Variants in PDE4D observed in about 807,000 individuals in gnomAD.
PDE4D encodes the protein 3',5'-cyclic-AMP phosphodiesterase 4D.
A neutral mutation model predicts 87.4 loss-of-function variants in PDE4D; 24 were observed. The observed-to-expected ratio is 0.27, with a 90% CI of 0.20 to 0.39. The LOEUF (loss-of-function observed/expected upper bound fraction) is 0.39. Among genes scored for constraint, PDE4D ranks in the 10% least tolerant of loss-of-function variants. The probability of loss-of-function intolerance (pLI) is 1.00; values close to 1 mark genes in which losing one functional copy is unlikely to be tolerated. For synonymous variants in PDE4D, 384 were observed against 383.2 expected (o/e 1.00, Z -0.02); for missense variants, 714 against 1,041.0 (o/e 0.69, Z 4.32).
Position 59,336,173 on chromosome 5 carries a change from C to G in PDE4D, c.456-120205G>C, listed in dbSNP as rs544465802. 3.3e-5 allele frequency among the ~76,000 whole-genome samples: 5 copies of G among 152,290 alleles called. No homozygotes were observed. The South Asian group carries it at 8.3e-4, about 25-fold the overall frequency. On this transcript the variant is annotated intron_variant, in intron 1 of 14. Coordinates refer to ENST00000340635, the MANE Select transcript of PDE4D (RefSeq NM_001104631.2). ...TCTTGCTGCCTGGAATTGGTACCCA[C>G]AAGCTTCAAATAAACTATTCCATGA... is the stretch of plus-strand genomic sequence containing the variant.
intron 3 of PDE4D, among the ~76,000 whole-genome samples, chr5:59,965,001 TA>T (rs1759874260): frequency 6.6e-6 from 1 of 152,084 alleles, no homozygotes; most frequent in Admixed American, 6.6e-5. Context: ...ATTAAAGTTT[TA>T]AAAAAAGAAC....
chr5:60,284,832 A>C (rs867215225), intron 1 of PDE4D, among the ~76,000 whole-genome samples: 1 of 152,104 alleles, frequency 6.6e-6, no homozygotes, highest in Non-Finnish European at 1.5e-5. Flanking sequence ...AATCTTCAGA[A>C]ATAATACCTC....
chr5:58,974,672 CAGG>C lies in PDE4D; in HGVS notation c.2419_2421del (p.Pro807del), dbSNP rs767639916. 6 of 1,563,436 alleles carry C rather than the reference CAGG, an allele frequency of 3.8e-6. No individual in the cohort carries two copies. The African/African-American group carries it at 8.3e-5, about 22-fold the overall frequency. ...TGAAAGTTTTTGCACTGTTACGTGT[CAGG>C]AGAACGATCATCTATGACACAGGCT... On this transcript the variant is annotated inframe_deletion, in exon 15 of 15. Transcript: ENST00000340635.
chr5:59,172,888 C>T (rs1356574099), intron 5 of PDE4D: 1 of 151,706 alleles, frequency 6.6e-6, no homozygotes. Flanking sequence ...TACTGTTGAC[C>T]AAGCAGATAA....
intron 5 of PDE4D, chr5:59,179,508 A>T: frequency 3.1e-6 from 1 of 323,284 alleles, no homozygotes; most frequent in Non-Finnish European, 5.9e-6. Context: ...AAAGAGAAAC[A>T]TGAAGAAGAG....
chr5:58,979,824 A>G (rs1351727742), intron 11 of PDE4D, among the ~76,000 whole-genome samples: 2 of 152,048 alleles, frequency 1.3e-5, no homozygotes, highest in African/African-American at 4.8e-5. Flanking sequence ...TTTTGTCTTT[A>G]TCTCTACAAA....
intron 1 of PDE4D, among the ~76,000 whole-genome samples, chr5:60,265,809 C>T (rs1322826006): frequency 1.3e-5 from 2 of 152,196 alleles, no homozygotes; most frequent in Non-Finnish European, 2.9e-5. Context: ...CACCTCCTGC[C>T]AAGCTGAGCC....
At chr5:59,664,294 A>G (rs1323364600) in intron 1 of PDE4D, among the ~76,000 whole-genome samples, 2 of 152,184 alleles carry the variant, frequency 1.3e-5, no homozygotes, top group East Asian at 1.9e-4. Context: ...TCAAGTTGTC[A>G]TGTTGGTCTA....
At chr5:59,676,653 CAT>C (rs1232741812) in intron 1 of PDE4D, among the ~76,000 whole-genome samples, 2 of 152,032 alleles carry the variant, frequency 1.3e-5, no homozygotes, top group Admixed American at 6.6e-5. Context: ...CTTAGGTACA[CAT>C]ATATTTTTAG....
intron 1 of PDE4D, among the ~76,000 whole-genome samples, chr5:59,358,635 C>T (rs80262158): frequency 1.4e-3 from 207 of 152,126 alleles, no homozygotes; most frequent in African/African-American, 4.9e-3. Flanking sequence ...AGAATGTCTT[C>T]ATCTGAGACT....
chr5:60,078,431 T>C (rs1773559126), intron 2 of PDE4D, among the ~76,000 whole-genome samples: 1 of 151,886 alleles, frequency 6.6e-6, no homozygotes, highest in South Asian at 2.1e-4. Context: ...TTATTTCTTG[T>C]AAAAAAAACG....
chr5:59,218,310 A>G (rs1226415102), intron 1 of PDE4D, among the ~76,000 whole-genome samples: 1 of 152,172 alleles, frequency 6.6e-6, no homozygotes, highest in Non-Finnish European at 1.5e-5. Flanking sequence ...GTTTTGGTTT[A>G]GTTTTTTTCA....
intron 1 of PDE4D, among the ~76,000 whole-genome samples, chr5:59,244,690 G>C (rs891937049): frequency 9.0e-5 from 13 of 144,774 alleles, no homozygotes; most frequent in African/African-American, 2.6e-4. Context: ...CTGTGTGTGT[G>C]TGTGTGTGTG....
At chr5:59,096,996 G>A (rs887781242) in intron 5 of PDE4D, among the ~76,000 whole-genome samples, 5 of 152,110 alleles carry the variant, frequency 3.3e-5, no homozygotes, top group African/African-American at 2.4e-5. Flanking sequence ...AATTCACTAG[G>A]GAGTATTCTC....
rs1761485427 is a variant in PDE4D, at chr5:59,051,145, G to A, written c.809-12174C>T. Among the ~76,000 whole-genome samples, 2 of 152,240 alleles carry A rather than the reference G, an allele frequency of 1.3e-5. 1 individual carries two copies. The highest frequency in any genetic ancestry group is 4.1e-4 in the South Asian group (2 of 4,836). On this transcript the variant is annotated intron_variant, in intron 5 of 14. Transcript: ENST00000340635. ...CCAGCACTCTGGGAGGCTGATGCGA[G>A]CAGATCACTTGAGGCCAGGAGTTCA...
chr5:59,665,208 G>A (rs1455240284), intron 1 of PDE4D, among the ~76,000 whole-genome samples: 1 of 152,154 alleles, frequency 6.6e-6, no homozygotes, highest in Non-Finnish European at 1.5e-5. Context: ...CAGGTATTTT[G>A]GCAAGCAAAG....
intron 2 of PDE4D, among the ~76,000 whole-genome samples, chr5:60,045,258 A>C (rs1017187380): frequency 6.6e-6 from 1 of 151,954 alleles, no homozygotes; most frequent in African/African-American, 2.4e-5. Flanking sequence ...GATTCTGGAT[A>C]TTAGCCCTTT....
intron 1 of PDE4D, among the ~76,000 whole-genome samples, chr5:59,388,434 T>G (rs1182571315): frequency 2.0e-5 from 3 of 152,130 alleles, no homozygotes; most frequent in African/African-American, 7.2e-5. Context: ...GCATCGAGGT[T>G]CTTTAAAAGC....
intron 1 of PDE4D, among the ~76,000 whole-genome samples, chr5:60,358,315 A>C (rs913589410): frequency 1.3e-5 from 2 of 152,136 alleles, no homozygotes; most frequent in Non-Finnish European, 2.9e-5. Flanking sequence ...GAAGCAAAAC[A>C]TGGGTTCCTG....
Sources: allele counts gnomAD v4.1 joint callset (sites outside exome capture counted in the v4.1 genomes callset), GRCh38; gene constraint gnomAD v4.1.1; transcripts MANE v1.5; gene names NCBI Gene and HGNC (gene_info 2026-07-23, HGNC 2026-07-21).